The following ULK4 variants were observed in gnomAD, a reference collection of about 807,000 sequenced individuals.
ULK4 encodes the protein inactive serine/threonine-protein kinase ULK4.
In ULK4, 133 loss-of-function variants were observed where a neutral mutation model predicts 160.6. The observed-to-expected ratio is 0.83, with a 90% CI of 0.72 to 0.96. The LOEUF is 0.96. Ranked by LOEUF, ULK4 falls within the 40% of genes least tolerant of loss-of-function variation. The pLI, the probability that ULK4 is intolerant of heterozygous loss-of-function variation, is 0.00. For missense variants in ULK4, 1,580 were observed against 1,499.5 expected (o/e 1.05, Z -0.89); for synonymous variants, 534 against 539.8 (o/e 0.99, Z 0.15).
At chr3:41,824,163 T>TTTAAAAAAAAAAAAAAAAAAAAAAAAAAA (rs555935496) in intron 18 of ULK4, among the ~76,000 whole-genome samples, 1 of 117,812 alleles carries the variant, frequency 8.5e-6, no homozygotes, top group Non-Finnish European at 1.7e-5. Flanking sequence ...ACTCTATCTT[T>TTTAAAAAAAAAAAAAAAAAAAAAAAAAAA]AAAAAAAAAA....
intron 35 of ULK4, among the ~76,000 whole-genome samples, chr3:41,349,174 C>T (rs1050749890): frequency 6.6e-6 from 1 of 152,218 alleles, no homozygotes; most frequent in African/African-American, 2.4e-5. Flanking sequence ...CTACTGAATT[C>T]ACCATATGCC....
chr3:41,948,352 G>A (rs1355704901), intron 2 of ULK4, among the ~76,000 whole-genome samples: 1 of 152,078 alleles, frequency 6.6e-6, no homozygotes, highest in East Asian at 1.9e-4. Flanking sequence ...TCAGGAGGCT[G>A]GGGCAGGAGA....
intron 2 of ULK4, among the ~76,000 whole-genome samples, chr3:41,949,253 G>A (rs1700209057): frequency 6.6e-6 from 1 of 151,930 alleles, no homozygotes; most frequent in Non-Finnish European, 1.5e-5. Flanking sequence ...AGGTTGCAGT[G>A]TGCCAAGATC....
chr3:41,805,688 C>T (rs1209886962), intron 19 of ULK4, among the ~76,000 whole-genome samples: 21 of 151,612 alleles, frequency 1.4e-4, no homozygotes, highest in African/African-American at 1.9e-4. Context: ...GAGTTTTTAG[C>T]ATGAAGGGCT....
intron 32 of ULK4, among the ~76,000 whole-genome samples, chr3:41,524,006 A>G (rs2086023567): frequency 1.3e-5 from 2 of 152,216 alleles, no homozygotes; most frequent in Admixed American, 1.3e-4. Context: ...ATGTTATGCA[A>G]ACTGAAAGAA....
intron 32 of ULK4, among the ~76,000 whole-genome samples, chr3:41,485,657 G>A (rs990493337): frequency 9.8e-5 from 15 of 152,308 alleles, no homozygotes; most frequent in African/African-American, 3.6e-4. Flanking sequence ...TGTTGCGGGA[G>A]GTGTAGAGCA....
chr3:41,494,946 G>A (rs975970467), intron 32 of ULK4, among the ~76,000 whole-genome samples: 5 of 151,992 alleles, frequency 3.3e-5, no homozygotes, highest in African/African-American at 9.7e-5. Context: ...CAAACAAATG[G>A]AAGAACATTC....
chr3:41,861,694 G>A (rs2042500987), intron 17 of ULK4, among the ~76,000 whole-genome samples: 2 of 152,150 alleles, frequency 1.3e-5, no homozygotes, highest in East Asian at 3.9e-4. Context: ...CTTTCTCTAG[G>A]TTCAGGAAAT....
intron 11 of ULK4, 41 bp from the exon 12 acceptor site, chr3:41,907,982 A>G: frequency 6.9e-7 from 1 of 1,442,080 alleles, no homozygotes; most frequent in East Asian, 2.4e-5. Context: ...AATTCCAGAC[A>G]GTTTATTCTC....
At chr3:41,716,264 G>A (rs895031139) in intron 23 of ULK4, among the ~76,000 whole-genome samples, 3 of 141,926 alleles carry the variant, frequency 2.1e-5, no homozygotes, top group African/African-American at 8.3e-5. Flanking sequence ...ATAAGTGAAC[G>A]AATTACAGAA....
intron 32 of ULK4, among the ~76,000 whole-genome samples, chr3:41,483,789 G>A (rs748078828): frequency 1.3e-5 from 2 of 152,090 alleles, no homozygotes; most frequent in Non-Finnish European, 2.9e-5. Flanking sequence ...TATCCAAGTG[G>A]GACCATTATA....
chr3:41,724,467 G>A (rs760573817), intron 22 of ULK4, among the ~76,000 whole-genome samples: 1 of 152,134 alleles, frequency 6.6e-6, no homozygotes, highest in African/African-American at 2.4e-5. Context: ...GCTCACATCT[G>A]TAATCCCAGC....
chr3:41,300,836 ATTATATATATATATATATATATATAT>A (rs1349888797), intron 35 of ULK4, among the ~76,000 whole-genome samples: 34 of 79,460 alleles, frequency 4.3e-4, no homozygotes, highest in Middle Eastern at 5.9e-3. Context: ...CATTTTACAG[ATTATATATATATATATATATATATAT>A]ATATATATAT....
At chr3:41,480,397 T>C (rs184355859) in intron 32 of ULK4, among the ~76,000 whole-genome samples, 8 of 152,200 alleles carry the variant, frequency 5.3e-5, no homozygotes, top group African/African-American at 1.9e-4. Context: ...AGAATACAGT[T>C]GACCCCTGAA....
At chr3:41,306,755 T>G (rs1426965926) in intron 35 of ULK4, among the ~76,000 whole-genome samples, 3 of 151,726 alleles carry the variant, frequency 2.0e-5, no homozygotes, top group Non-Finnish European at 2.9e-5. Flanking sequence ...GCCGTGTCTG[T>G]GTAGAAAGAA....
At chr3:41,859,085 A>C (rs1256579884) in intron 17 of ULK4, among the ~76,000 whole-genome samples, 1 of 152,218 alleles carries the variant, frequency 6.6e-6, no homozygotes, top group Non-Finnish European at 1.5e-5. Context: ...ACAATCTTCT[A>C]TCTCAGAAGA....
chr3:41,508,034 A>T (rs1044428796), intron 32 of ULK4, among the ~76,000 whole-genome samples: 4 of 152,200 alleles, frequency 2.6e-5, no homozygotes, highest in Non-Finnish European at 1.5e-5. Context: ...CTGGTGGTCC[A>T]GGGCAAGTTC....
At chr3:41,957,946 A>C (rs1303853236) in intron 1 of ULK4, among the ~76,000 whole-genome samples, 1 of 151,532 alleles carries the variant, frequency 6.6e-6, no homozygotes, top group African/African-American at 2.4e-5. Context: ...TGGGAGACTG[A>C]GGCAGGAGGA....
intron 32 of ULK4, among the ~76,000 whole-genome samples, chr3:41,484,475 T>C (rs145931403): frequency 0.01 from 1,536 of 150,080 alleles, 24 homozygotes; most frequent in Middle Eastern, 0.048. Flanking sequence ...TGTTTTGAGA[T>C]GGAGTCTCGC....
Sources: gnomAD v4.1 joint callset for allele counts (sites outside exome capture counted in the v4.1 genomes callset) on GRCh38, gnomAD v4.1.1 for gene constraint, MANE v1.5 for transcripts, NCBI Gene and HGNC (gene_info 2026-07-23, HGNC 2026-07-21) for gene names.